GUCY1B1: variants seen among roughly 807,000 people sequenced by gnomAD.
The protein encoded by GUCY1B1 is guanylate cyclase 1 soluble subunit beta 1, also known as guanylate cyclase soluble subunit beta-1.
In GUCY1B1, 43 loss-of-function variants were observed where a neutral mutation model predicts 71.0. The observed-to-expected ratio is 0.61, with a 90% CI of 0.47 to 0.78. The LOEUF (loss-of-function observed/expected upper bound fraction) is 0.78. Ranked by LOEUF, GUCY1B1 falls within the 30% of genes least tolerant of loss-of-function variation. The pLI is 0.00. For synonymous variants in GUCY1B1, 266 were observed against 259.7 expected (o/e 1.02, Z -0.23); for missense variants, 535 against 754.1 (o/e 0.71, Z 3.40).
chr4:155,790,837 T>G (rs1739104521), intron 5 of GUCY1B1, among the ~76,000 whole-genome samples: 1 of 152,302 alleles, frequency 6.6e-6, no homozygotes, highest in Non-Finnish European at 1.5e-5. Flanking sequence ...TAAAGTTATG[T>G]TAGAGTTCAT....
At chr4:155,796,307 G>A (rs1009847033) in intron 7 of GUCY1B1, 70 bp from the exon 8 acceptor site, 18 of 1,374,920 alleles carry the variant, frequency 1.3e-5, no homozygotes, top group East Asian at 9.1e-5. Flanking sequence ...TGAGATATGC[G>A]TGTCCTTGTT....
chr4:155,759,073 C>G lies in GUCY1B1; in HGVS notation c.-68C>G. On this transcript the variant is annotated 5_prime_UTR_variant, in exon 1 of 14. Coordinates refer to ENST00000264424, the MANE Select transcript of GUCY1B1 (RefSeq NM_000857.5). Reference sequence around the variant, plus strand: ...CCGGTTGCGCTGTAGCCGCTGCCGCCTCTGCCTGGGTCCCTTCGGCCGTAC... The same window carrying G: ...CCGGTTGCGCTGTAGCCGCTGCCGCGTCTGCCTGGGTCCCTTCGGCCGTAC... 6.5e-7 allele frequency: 1 copy of G among 1,538,094 alleles called. No individual in the cohort carries two copies. Among genetic ancestry groups the G allele is most frequent in the Non-Finnish European group, 8.8e-7 (1 of 1,131,778 alleles).
At chr4:155,784,854 T>C (rs950519790) in intron 4 of GUCY1B1, among the ~76,000 whole-genome samples, 1 of 152,192 alleles carries the variant, frequency 6.6e-6, no homozygotes, top group Non-Finnish European at 1.5e-5. Flanking sequence ...TAAGAACTTA[T>C]TTTTGGCATG....
At chr4:155,759,714 A>G (rs1276653894) in intron 1 of GUCY1B1, 73 bp from the exon 2 acceptor site, 3 of 1,066,278 alleles carry the variant, frequency 2.8e-6, no homozygotes, top group Non-Finnish European at 4.3e-6. Context: ...GAGCAGAGGC[A>G]GCAGCCTCGC....
chr4:155,791,753 A>T lies in GUCY1B1; in HGVS notation c.495+1842A>T, dbSNP rs1309890028. 7.2e-5 allele frequency among the ~76,000 whole-genome samples: 10 copies of T among 138,874 alleles called. 1 individual carries two copies. In the South Asian group the frequency reaches 7.9e-4, roughly 11 times the overall value. The allele number at this position is 138,874 out of a possible 152,430, so 91.1% of individuals were successfully genotyped here. ...TATCAAAAAAATAGAGAAAAAAAAA[A>T]AAATAAAGCAAAACAAAACGAAAAA... On this transcript the variant is annotated intron_variant, in intron 5 of 13. Transcript: ENST00000264424.
At position 155,802,343 on chromosome 4, in the gene GUCY1B1, T is replaced by C. The variant is rs1740012034; in HGVS notation, c.1177T>C (p.Leu393=). Residue 393 remains leucine, a splice_region_variant and synonymous_variant, in exon 10 of 14, where the codon TTG becomes CTG. Transcript: ENST00000264424. The surrounding 1 kb of genome is among the most constrained non-coding windows in gnomAD (Gnocchi z 4.3). Reference sequence around the variant, plus strand: ...CTTTCTGCTGATCCCACTGAACAGATTGCTGTATTCTGTCCTTCCTCCGTC... The same window carrying C: ...CTTTCTGCTGATCCCACTGAACAGACTGCTGTATTCTGTCCTTCCTCCGTC... ...LEDEKKKTDT[L]LYSVLPPSVA... is the part of the protein sequence containing the mutation. 6.2e-7 allele frequency: 1 copy of C among 1,613,772 alleles called. No homozygotes were observed. Among genetic ancestry groups the C allele is most frequent in the Non-Finnish European group, 8.5e-7 (1 of 1,179,784 alleles).
intron 5 of GUCY1B1, 135 bp downstream of exon 5, chr4:155,790,046 A>C: frequency 1.7e-6 from 1 of 602,180 alleles, no homozygotes; most frequent in East Asian, 2.8e-5. Flanking sequence ...AACAGTGGAA[A>C]GACCAGCAAT....
intron 2 of GUCY1B1, among the ~76,000 whole-genome samples, chr4:155,770,316 A>G (rs1259221124): frequency 2.0e-5 from 3 of 152,204 alleles, no homozygotes; most frequent in Non-Finnish European, 4.4e-5. Context: ...CTTTCCTCAA[A>G]GAACAGTGGC....
At chr4:155,785,871 T>C (rs1326186566) in intron 4 of GUCY1B1, among the ~76,000 whole-genome samples, 1 of 152,216 alleles carries the variant, frequency 6.6e-6, no homozygotes, top group Non-Finnish European at 1.5e-5. Context: ...CTTTACTTGT[T>C]CAATTAACTA....
intron 4 of GUCY1B1, among the ~76,000 whole-genome samples, chr4:155,787,955 A>G (rs1346948393): frequency 6.6e-6 from 1 of 152,220 alleles, no homozygotes; most frequent in Admixed American, 6.5e-5. Context: ...TTTTATGCCC[A>G]TGACATTTTG....
chr4:155,803,055 A>G (rs983428061), intron 10 of GUCY1B1, among the ~76,000 whole-genome samples: 25 of 152,354 alleles, frequency 1.6e-4, no homozygotes, highest in Admixed American at 9.8e-4. Flanking sequence ...TGTTTCATTT[A>G]GAAATAAATA....
At position 155,802,652 on chromosome 4, in the gene GUCY1B1, G is replaced by T; in HGVS notation, c.1413+73G>T. 1 of 1,323,866 alleles carries T rather than the reference G, an allele frequency of 7.6e-7. No individual in the cohort carries two copies. The highest frequency in any genetic ancestry group is 1.5e-5 in the South Asian group (1 of 66,712). 82.0% of individuals were successfully genotyped at this position (1,323,866 alleles called of 1,614,324 possible). A position where few individuals can be genotyped will look rare whatever the true frequency, so the allele number is the denominator to read the frequency against. On this transcript the variant is annotated intron_variant, in intron 10 of 13. Transcript: ENST00000264424. The surrounding 1 kb of genome is among the most constrained non-coding windows in gnomAD (Gnocchi z 4.3). ...TCTGAGACTCCCCTCCAGAGGCCAT[G>T]TCATCACAGCTCTCTGACTCCAGCA...
rs544768666 is a variant in GUCY1B1, at chr4:155,773,863, A to G, written c.78-1105A>G. Among the ~76,000 whole-genome samples the G allele has an allele frequency of 3.3e-5, 5 of 152,166 alleles. No individual in the cohort carries two copies. In the East Asian group the frequency reaches 7.7e-4, roughly 24 times the overall value. On this transcript the variant is annotated intron_variant, in intron 2 of 13. Coordinates refer to ENST00000264424, the MANE Select transcript of GUCY1B1 (RefSeq NM_000857.5). Reference sequence around the variant, plus strand: ...CCACCACGCCAGGCTAATTTTTTGTATTTTTAGCAGAGAGACGGTTTCACC... The same window carrying G: ...CCACCACGCCAGGCTAATTTTTTGTGTTTTTAGCAGAGAGACGGTTTCACC...
At position 155,806,681 on chromosome 4, in the gene GUCY1B1, A is replaced by T. The variant is rs894026585; in HGVS notation, c.*272A>T. ...ATGTGTCTTAAAATCTACTACAAGCATTACCTAACATGGTGATCTGCAAGT... is the reference window on the plus strand; with the variant it reads ...ATGTGTCTTAAAATCTACTACAAGCTTTACCTAACATGGTGATCTGCAAGT... On this transcript the variant is annotated 3_prime_UTR_variant, in exon 14 of 14. Coordinates refer to ENST00000264424, the MANE Select transcript of GUCY1B1 (RefSeq NM_000857.5). 1 of 382,594 alleles carries T rather than the reference A, an allele frequency of 2.6e-6. No individual in the cohort carries two copies. The highest frequency in any genetic ancestry group is 2.1e-5 in the African/African-American group (1 of 48,214). 23.7% of individuals were successfully genotyped at this position (382,594 alleles called of 1,614,324 possible). A position where few individuals can be genotyped will look rare whatever the true frequency, so the allele number is the denominator to read the frequency against.
At chr4:155,792,155 C>A (rs1181563180) in intron 5 of GUCY1B1, among the ~76,000 whole-genome samples, 2 of 151,858 alleles carry the variant, frequency 1.3e-5, no homozygotes, top group South Asian at 2.1e-4. Flanking sequence ...TCGAGGGATT[C>A]TCACATTAAG....
intron 4 of GUCY1B1, 113 bp from the exon 5 acceptor site, chr4:155,789,601 C>T (rs545148657): frequency 9.8e-6 from 6 of 609,712 alleles, no homozygotes; most frequent in South Asian, 9.0e-5. Context: ...TGTGCTGCTT[C>T]GCTGATCTGC....
intron 9 of GUCY1B1, among the ~76,000 whole-genome samples, 153 bp downstream of exon 9, chr4:155,800,227 A>G (rs1007008817): frequency 6.6e-6 from 1 of 152,242 alleles, no homozygotes; most frequent in East Asian, 1.9e-4. Context: ...AAAAGAAATT[A>G]TGCTTAAGGA....
chr4:155,762,824 C>T (rs1737084821), intron 2 of GUCY1B1, among the ~76,000 whole-genome samples: 1 of 152,094 alleles, frequency 6.6e-6, no homozygotes, highest in South Asian at 2.1e-4. Flanking sequence ...GCTCTTGGAC[C>T]AGGAAAACGC....
intron 2 of GUCY1B1, among the ~76,000 whole-genome samples, chr4:155,762,690 C>A (rs969637074): frequency 6.6e-6 from 1 of 152,196 alleles, no homozygotes; most frequent in African/African-American, 2.4e-5. Context: ...AGCAAACTTT[C>A]TCTTAAAGGG....
Sources: gnomAD v4.1 joint callset for allele counts (sites outside exome capture counted in the v4.1 genomes callset) on GRCh38, gnomAD v4.1.1 for gene constraint, Gnocchi (gnomAD v3.1) non-coding constraint, MANE v1.5 for transcripts, NCBI Gene and HGNC (gene_info 2026-07-23, HGNC 2026-07-21) for gene names.